The following CDH19 variants were observed in gnomAD, a reference collection of about 807,000 sequenced individuals.
CDH19 encodes cadherin-19.
Under a neutral mutation model 64.2 loss-of-function variants are expected in CDH19, and 67 were observed. The ratio of observed to expected loss-of-function variants is 1.04; its 90% CI spans 0.86 to 1.28. CDH19 has a LOEUF of 1.28. Ranked by LOEUF, CDH19 falls within the 50% of genes most tolerant of loss-of-function variation. The probability of loss-of-function intolerance (pLI) is 0.00; values close to 1 mark genes in which losing one functional copy is unlikely to be tolerated. For synonymous variants in CDH19, 346 were observed against 319.3 expected (o/e 1.08, Z -0.89); for missense variants, 1,030 against 929.0 (o/e 1.11, Z -1.41).
chr18:66,562,911 G>T (rs921146293), intron 3 of CDH19, among the ~76,000 whole-genome samples: 1 of 152,026 alleles, frequency 6.6e-6, no homozygotes, highest in Non-Finnish European at 1.5e-5. Flanking sequence ...AAAACCTGAG[G>T]TAAAGGTAGT....
chr18:66,527,752 CTA>C (rs112808631), intron 9 of CDH19, among the ~76,000 whole-genome samples: 4 of 149,478 alleles, frequency 2.7e-5, no homozygotes, highest in Admixed American at 6.7e-5. Context: ...AAAGCTCCAT[CTA>C]TATATATATA....
At position 66,504,679 on chromosome 18, in the gene CDH19, T is replaced by C. The variant is rs1387549986; in HGVS notation, c.*133A>G. 3 of 825,930 alleles carry C rather than the reference T, an allele frequency of 3.6e-6. No individual in the cohort carries two copies. Among genetic ancestry groups the C allele is most frequent in the Non-Finnish European group, 5.5e-6 (3 of 549,002 alleles). The allele number at this position is 825,930 out of a possible 1,614,324, so 51.2% of individuals were successfully genotyped here. A position where few individuals can be genotyped will look rare whatever the true frequency, so the allele number is the denominator to read the frequency against. ...TAGCTTAAAATAACCATGGAGTATT[T>C]ACTCCAGGGAAATCAGAAAACTCCA... is the stretch of plus-strand genomic sequence containing the variant. On this transcript the variant is annotated 3_prime_UTR_variant, in exon 12 of 12. Coordinates refer to ENST00000262150, the MANE Select transcript of CDH19 (RefSeq NM_021153.4).
At chr18:66,531,803 C>T (rs540168554) in intron 8 of CDH19, among the ~76,000 whole-genome samples, 1 of 152,076 alleles carries the variant, frequency 6.6e-6, no homozygotes, top group Non-Finnish European at 1.5e-5. Flanking sequence ...ATACATAAAG[C>T]AATTGCATAA....
Position 66,554,461 on chromosome 18 carries a change from C to T in CDH19, c.554G>A (p.Arg185His), listed in dbSNP as rs138493909. The T allele has an allele frequency of 8.6e-5, 139 of 1,611,284 alleles. No individual in the cohort carries two copies. Among genetic ancestry groups the T allele is most frequent in the Non-Finnish European group, 1.1e-4 (125 of 1,178,156 alleles). ...GCCTTGAAGTAAGCTGTAGAGGAGA[C>T]GAGCATTATTACCACTTGAGGGATC... ...ADDPSSGNNA[R>H]LLYSLLQGQP... Residue 185 changes from arginine to histidine, a missense_variant, in exon 4 of 12, where the codon CGT (arginine) becomes CAT (histidine). Arg to His is a conservative substitution (Grantham distance 29). Transcript: ENST00000262150.
chr18:66,565,730 G>A (rs1035619402), intron 3 of CDH19, among the ~76,000 whole-genome samples: 2 of 151,862 alleles, frequency 1.3e-5, no homozygotes, highest in African/African-American at 2.4e-5. Flanking sequence ...GAAGGAAACC[G>A]TTGCTAGAAG....
intron 3 of CDH19, among the ~76,000 whole-genome samples, chr18:66,555,081 G>A (rs1045208334): frequency 2.6e-5 from 4 of 151,648 alleles, no homozygotes; most frequent in African/African-American, 9.7e-5. Flanking sequence ...AAAAAGCAAA[G>A]TAAAATCTTG....
chr18:66,596,688 G>A lies in CDH19; in HGVS notation c.-113+7266C>T, dbSNP rs929152518. On this transcript the variant is annotated intron_variant, in intron 1 of 11. Coordinates refer to ENST00000262150, the MANE Select transcript of CDH19 (RefSeq NM_021153.4). The stretch of plus-strand genomic sequence containing the variant: ...AAAAAACATTCCATGCTCATGGATA[G>A]GATTAATCAATATTGTTAAAATGAC... 2.6e-5 allele frequency among the ~76,000 whole-genome samples: 4 copies of A among 152,190 alleles called. No individual in the cohort carries two copies. The South Asian group carries it at 8.3e-4, about 32-fold the overall frequency.
At chr18:66,588,620 C>CTATATA (rs201082837) in intron 1 of CDH19, among the ~76,000 whole-genome samples, 19 of 114,572 alleles carry the variant, frequency 1.7e-4, no homozygotes, top group African/African-American at 4.8e-4. Flanking sequence ...ATATCTATAT[C>CTATATA]TATATCTATA....
intron 5 of CDH19, among the ~76,000 whole-genome samples, chr18:66,550,039 T>C (rs1987282720): frequency 6.6e-6 from 1 of 152,168 alleles, no homozygotes. Flanking sequence ...GTTTTGTTTC[T>C]GTCTATAAAC....
At chr18:66,569,700 T>C (rs1988038667) in intron 2 of CDH19, among the ~76,000 whole-genome samples, 1 of 151,740 alleles carries the variant, frequency 6.6e-6, no homozygotes, top group Admixed American at 6.6e-5. Context: ...TAGCTTTTCA[T>C]ATCAGAATTA....
intron 9 of CDH19, among the ~76,000 whole-genome samples, chr18:66,527,619 G>A (rs1421876083): frequency 2.0e-5 from 3 of 151,928 alleles, no homozygotes; most frequent in South Asian, 2.1e-4. Flanking sequence ...GTGTGGTGGC[G>A]TGCGCCTGTC....
chr18:66,512,583 T>C (rs1248003244), intron 9 of CDH19, among the ~76,000 whole-genome samples: 1 of 151,516 alleles, frequency 6.6e-6, no homozygotes, highest in Non-Finnish European at 1.5e-5. Context: ...ATAAAGAACA[T>C]TAGGAAACCA....
At chr18:66,563,881 C>T (rs1186672447) in intron 3 of CDH19, among the ~76,000 whole-genome samples, 1 of 151,800 alleles carries the variant, frequency 6.6e-6, no homozygotes, top group African/African-American at 2.4e-5. Flanking sequence ...ATTTTTGACA[C>T]CTCTACTTTT....
chr18:66,573,548 T>C (rs532083054), intron 1 of CDH19, among the ~76,000 whole-genome samples: 2 of 151,786 alleles, frequency 1.3e-5, no homozygotes, highest in South Asian at 4.1e-4. Flanking sequence ...AAATCTGCTC[T>C]TTAGAAATTG....
intron 3 of CDH19, among the ~76,000 whole-genome samples, chr18:66,563,220 C>A (rs768940713): frequency 2.0e-5 from 3 of 152,014 alleles, no homozygotes; most frequent in Non-Finnish European, 2.9e-5. Context: ...TTATGGAATA[C>A]TAAAGTACAG....
At chr18:66,505,605 T>A (rs1238314621) in intron 11 of CDH19, among the ~76,000 whole-genome samples, 3 of 145,208 alleles carry the variant, frequency 2.1e-5, no homozygotes, top group African/African-American at 7.4e-5. Context: ...ATATATTAGA[T>A]GATGAACAAT....
At chr18:66,566,927 C>A (rs1225073943) in intron 3 of CDH19, among the ~76,000 whole-genome samples, 1 of 151,688 alleles carries the variant, frequency 6.6e-6, no homozygotes, top group Admixed American at 6.6e-5. Context: ...ATGTATACAG[C>A]CCTGAGCACT....
chr18:66,568,487 T>C lies in CDH19; in HGVS notation c.419A>G (p.Asp140Gly). 5 of 1,612,328 alleles carry C rather than the reference T, an allele frequency of 3.1e-6. No individual in the cohort carries two copies. The highest frequency in any genetic ancestry group is 4.2e-6 in the Non-Finnish European group (5 of 1,178,920). Residue 140 changes from aspartate to glycine, a missense_variant, in exon 3 of 12, where the codon GAT (aspartate) becomes GGT (glycine). Asp to Gly is a moderately conservative substitution (Grantham distance 94). Transcript: ENST00000262150. ...PESEFVIKVS[D>G]INDNEPKFLD... is the part of the protein sequence containing the mutation. ...GAATTTTGGTTCATTGTCATTGATA[T>C]CCGAAACTTTGATGACAAACTCAGA...
chr18:66,569,829 G>C (rs1988043857), intron 2 of CDH19, among the ~76,000 whole-genome samples: 1 of 151,650 alleles, frequency 6.6e-6, no homozygotes, highest in Non-Finnish European at 1.5e-5. Flanking sequence ...AATTTACAAA[G>C]ATAATCATGA....
Sources: gnomAD v4.1 joint callset for allele counts (sites outside exome capture counted in the v4.1 genomes callset) on GRCh38, gnomAD v4.1.1 for gene constraint, MANE v1.5 for transcripts, NCBI Gene and HGNC (gene_info 2026-07-23, HGNC 2026-07-21) for gene names.